Variants in GRIN2A observed in about 807,000 individuals in gnomAD.
GRIN2A encodes glutamate receptor ionotropic, NMDA 2A.
GRIN2A carries 22 observed loss-of-function variants against 113.4 expected under a neutral mutation model. The ratio of observed to expected loss-of-function variants is 0.19; its 90% CI spans 0.14 to 0.28. The LOEUF is 0.28. GRIN2A is among the 10% of genes least tolerant of loss of function. GRIN2A has a pLI of 1.00. For missense variants in GRIN2A, 1,502 were observed against 1,887.0 expected (o/e 0.80, Z 3.78); for synonymous variants, 827 against 738.4 (o/e 1.12, Z -1.94).
At chr16:9,927,081 T>G (rs1479303280) in intron 3 of GRIN2A, among the ~76,000 whole-genome samples, 1 of 152,242 alleles carries the variant, frequency 6.6e-6, no homozygotes, top group Non-Finnish European at 1.5e-5. Flanking sequence ...TCTCTAGTCC[T>G]GTTTACTTAT....
chr16:9,793,624 T>C (rs1250785600), intron 11 of GRIN2A, among the ~76,000 whole-genome samples: 2 of 152,156 alleles, frequency 1.3e-5, no homozygotes, highest in Non-Finnish European at 2.9e-5. Flanking sequence ...GCCCATTCTA[T>C]TCTTTGTCTA....
chr16:10,033,416 C>G (rs1005858056), intron 2 of GRIN2A, among the ~76,000 whole-genome samples: 2 of 152,098 alleles, frequency 1.3e-5, no homozygotes, highest in African/African-American at 2.4e-5. Flanking sequence ...AACACAACAA[C>G]AAGCAAGAAA....
chr16:10,048,743 G>A (rs1439141702), intron 2 of GRIN2A, among the ~76,000 whole-genome samples: 1 of 117,818 alleles, frequency 8.5e-6, no homozygotes, highest in Non-Finnish European at 1.8e-5. Context: ...CCCCACACTT[G>A]GCCTCCCTTG....
At chr16:10,037,180 G>A (rs1567251360) in intron 2 of GRIN2A, 1 of 152,132 alleles carries the variant, frequency 6.6e-6, no homozygotes, top group South Asian at 2.1e-4. Flanking sequence ...TATGCAACAT[G>A]CTGACCTGGT....
At chr16:9,997,835 T>C (rs2046253555) in intron 2 of GRIN2A, among the ~76,000 whole-genome samples, 1 of 152,188 alleles carries the variant, frequency 6.6e-6, no homozygotes, top group South Asian at 2.1e-4. Flanking sequence ...TTGCACATGC[T>C]CTCTTGCCTG....
At chr16:10,087,591 T>C (rs1264548743) in intron 2 of GRIN2A, among the ~76,000 whole-genome samples, 1 of 152,234 alleles carries the variant, frequency 6.6e-6, no homozygotes, top group Non-Finnish European at 1.5e-5. Context: ...AGTAGCTTAT[T>C]ACTGTAGCAT....
chr16:9,813,345 A>AT (rs1435301715), intron 10 of GRIN2A, among the ~76,000 whole-genome samples: 1 of 152,230 alleles, frequency 6.6e-6, no homozygotes, highest in African/African-American at 2.4e-5. Context: ...CAAGAATGAA[A>AT]TGCAGGAAAA....
At chr16:10,111,407 G>T (rs1353845721) in intron 2 of GRIN2A, 7 of 514,008 alleles carry the variant, frequency 1.4e-5, no homozygotes, top group Non-Finnish European at 2.1e-5. Context: ...ATCAGTGGCG[G>T]CACCGGCTAC....
chr16:9,886,539 G>A (rs1210779309), intron 4 of GRIN2A, among the ~76,000 whole-genome samples: 2 of 152,146 alleles, frequency 1.3e-5, no homozygotes, highest in African/African-American at 2.4e-5. Context: ...CCTTAAGCAT[G>A]ACAGAAGCCC....
At chr16:10,044,189 A>G (rs2047221217) in intron 2 of GRIN2A, among the ~76,000 whole-genome samples, 1 of 151,700 alleles carries the variant, frequency 6.6e-6, no homozygotes, top group South Asian at 2.1e-4. Context: ...TCTCGCCACC[A>G]TGCCCAGCTA....
At chr16:9,823,998 G>C (rs768025117) in intron 9 of GRIN2A, among the ~76,000 whole-genome samples, 1 of 152,092 alleles carries the variant, frequency 6.6e-6, no homozygotes, top group Non-Finnish European at 1.5e-5. Flanking sequence ...GAACCGCCAG[G>C]GTAAGTGTCC....
chr16:10,084,464 C>A (rs1027839207), intron 2 of GRIN2A, among the ~76,000 whole-genome samples: 12 of 152,300 alleles, frequency 7.9e-5, no homozygotes, highest in South Asian at 6.2e-4. Flanking sequence ...GACCAAAAGA[C>A]AACCCCAGTC....
intron 2 of GRIN2A, among the ~76,000 whole-genome samples, chr16:10,174,205 T>G (rs1369279377): frequency 6.6e-6 from 1 of 152,160 alleles, no homozygotes; most frequent in East Asian, 1.9e-4. Context: ...CTGGAACATC[T>G]GCACCATCCA....
At chr16:10,038,418 G>A (rs2047074358) in intron 2 of GRIN2A, among the ~76,000 whole-genome samples, 1 of 152,046 alleles carries the variant, frequency 6.6e-6, no homozygotes, top group Non-Finnish European at 1.5e-5. Flanking sequence ...GCGAACATTT[G>A]GGGCTGGATA....
chr16:9,776,201 C>T (rs1445285406), intron 11 of GRIN2A, among the ~76,000 whole-genome samples: 3 of 151,916 alleles, frequency 2.0e-5, no homozygotes, highest in Non-Finnish European at 4.4e-5. Context: ...TCAGAGGTAT[C>T]CACCTTCAGG....
intron 2 of GRIN2A, among the ~76,000 whole-genome samples, chr16:10,084,847 G>A (rs2048056262): frequency 6.6e-6 from 1 of 151,986 alleles, no homozygotes; most frequent in South Asian, 2.1e-4. Flanking sequence ...CCACAACTGG[G>A]ACCTAGGTCA....
chr16:9,793,574 T>C (rs72638270), intron 11 of GRIN2A, among the ~76,000 whole-genome samples: 4,943 of 152,188 alleles, frequency 0.032, 137 homozygotes, highest in East Asian at 0.16. Context: ...GAGTTGCTGG[T>C]TGCTGGATGA....
At chr16:10,178,706 G>A (rs1049556252) in intron 2 of GRIN2A, among the ~76,000 whole-genome samples, 1 of 152,210 alleles carries the variant, frequency 6.6e-6, no homozygotes, top group Admixed American at 6.5e-5. Flanking sequence ...CAGCCCAGGA[G>A]ACCTGAAAGA....
intron 3 of GRIN2A, among the ~76,000 whole-genome samples, chr16:9,916,069 G>C (rs1005933961): frequency 2.0e-5 from 3 of 152,092 alleles, no homozygotes; most frequent in African/African-American, 4.8e-5. Context: ...GGAGGCATAA[G>C]AGTTAGGTCA....
Sources: allele counts gnomAD v4.1 joint callset (sites outside exome capture counted in the v4.1 genomes callset), GRCh38; gene constraint gnomAD v4.1.1; transcripts MANE v1.5; gene names NCBI Gene and HGNC (gene_info 2026-07-23, HGNC 2026-07-21).